NPAS3: variants seen among roughly 807,000 people sequenced by gnomAD.
NPAS3 encodes the protein neuronal PAS domain protein 3.
A neutral mutation model predicts 73.1 loss-of-function variants in NPAS3; 14 were observed. The ratio of observed to expected loss-of-function variants is 0.19; its 90% CI spans 0.13 to 0.30. The LOEUF is 0.30. Ranked by LOEUF, NPAS3 falls within the 10% of genes least tolerant of loss-of-function variation. The pLI, the probability that NPAS3 is intolerant of heterozygous loss-of-function variation, is 1.00. For missense variants in NPAS3, 1,096 were observed against 1,250.0 expected (o/e 0.88, Z 1.86); for synonymous variants, 620 against 541.5 (o/e 1.14, Z -2.01).
At chr14:33,398,046 G>A (rs1193544425) in intron 4 of NPAS3, among the ~76,000 whole-genome samples, 2 of 152,094 alleles carry the variant, frequency 1.3e-5, no homozygotes, top group Admixed American at 1.3e-4. Context: ...CAAAAATTTT[G>A]TTAGGGAAAC....
At chr14:33,376,923 G>T (rs2046338847) in intron 4 of NPAS3, among the ~76,000 whole-genome samples, 1 of 152,166 alleles carries the variant, frequency 6.6e-6, no homozygotes, top group Non-Finnish European at 1.5e-5. Context: ...ACATCTGCTA[G>T]TATTTCTGTT....
chr14:33,704,558 TG>T (rs1034397640), intron 6 of NPAS3, among the ~76,000 whole-genome samples: 7 of 152,248 alleles, frequency 4.6e-5, no homozygotes, highest in African/African-American at 1.7e-4. Flanking sequence ...TTTATCTCTT[TG>T]TTTAAAATGA....
intron 3 of NPAS3, among the ~76,000 whole-genome samples, chr14:33,239,848 A>G (rs1263436078): frequency 6.8e-6 from 1 of 146,572 alleles, no homozygotes; most frequent in East Asian, 1.9e-4. Flanking sequence ...ATTTACTTCA[A>G]CAAAATTAGA....
intron 2 of NPAS3, among the ~76,000 whole-genome samples, chr14:33,202,564 T>A (rs896057122): frequency 3.3e-5 from 5 of 152,304 alleles, no homozygotes; most frequent in African/African-American, 4.8e-5. Context: ...GCCTTTTTTT[T>A]AAATGAAGAA....
At chr14:33,320,328 G>T (rs1468826610) in intron 3 of NPAS3, among the ~76,000 whole-genome samples, 3 of 152,104 alleles carry the variant, frequency 2.0e-5, no homozygotes, top group Non-Finnish European at 2.9e-5. Context: ...GAATGTTTTT[G>T]ATTTGGGGGA....
chr14:33,738,608 A>G (rs2061581086), intron 7 of NPAS3, among the ~76,000 whole-genome samples: 1 of 152,164 alleles, frequency 6.6e-6, no homozygotes, highest in Admixed American at 6.5e-5. Context: ...TTGCTGTTGC[A>G]GTGTCTGCCA....
At chr14:33,703,724 C>T (rs1029657064) in intron 6 of NPAS3, among the ~76,000 whole-genome samples, 10 of 152,074 alleles carry the variant, frequency 6.6e-5, no homozygotes, top group African/African-American at 2.4e-4. Context: ...TTCCTATGTG[C>T]CAGGCCATAT....
chr14:32,988,697 A>G lies in NPAS3; in HGVS notation c.50+49331A>G, dbSNP rs556583671. On this transcript the variant is annotated intron_variant, in intron 1 of 11. Transcript: ENST00000356141. ...AGTGGCAACTAAGTAGACTGGACAC[A>G]TGTTCTTTTGTCCTCACAGTCATAC... Among the ~76,000 whole-genome samples the G allele has an allele frequency of 2.3e-4, 35 of 152,316 alleles. No homozygotes were observed. In the Middle Eastern group the frequency reaches 0.01, roughly 44 times the overall value.
intron 7 of NPAS3, among the ~76,000 whole-genome samples, chr14:33,749,802 C>A (rs778069153): frequency 6.6e-6 from 1 of 152,056 alleles, no homozygotes; most frequent in African/African-American, 2.4e-5. Flanking sequence ...GGAGTGAAGC[C>A]CAGAACCAAC....
chr14:33,205,506 G>A (rs1045303643), intron 2 of NPAS3, among the ~76,000 whole-genome samples: 1 of 152,038 alleles, frequency 6.6e-6, no homozygotes, highest in African/African-American at 2.4e-5. Context: ...TAGGCTCCTG[G>A]CAACCATACA....
rs574421568 is a variant in NPAS3 at position 33,622,777 on chromosome 14, G to A, written c.559-53434G>A. Among the ~76,000 whole-genome samples, 14 of 152,282 alleles carry A rather than the reference G, an allele frequency of 9.2e-5. No homozygotes were observed. The South Asian group carries it at 2.9e-3, about 32-fold the overall frequency. On this transcript the variant is annotated intron_variant, in intron 5 of 11. Transcript: ENST00000356141. Reference sequence around the variant, plus strand: ...TGTCTCAAGCTGTTCCATTTTCATAGTTGAGAGTAAAAATGAAAGAAGGGA... The same window carrying A: ...TGTCTCAAGCTGTTCCATTTTCATAATTGAGAGTAAAAATGAAAGAAGGGA...
At chr14:33,432,023 A>G (rs1241511535) in intron 4 of NPAS3, among the ~76,000 whole-genome samples, 2 of 152,196 alleles carry the variant, frequency 1.3e-5, no homozygotes, top group Non-Finnish European at 2.9e-5. Context: ...TTGAGAATAC[A>G]TAGTTATTTC....
intron 5 of NPAS3, among the ~76,000 whole-genome samples, chr14:33,579,424 T>C: frequency 6.6e-6 from 1 of 152,192 alleles, no homozygotes; most frequent in Admixed American, 6.5e-5. Flanking sequence ...ACTTGACAGA[T>C]TTCATATTTC....
upstream of NPAS3, chr14:32,934,945 G>C (rs1235528223): frequency 3.2e-6 from 4 of 1,237,050 alleles, no homozygotes; most frequent in Admixed American, 1.2e-4. The surrounding 1 kb of genome is among the most constrained non-coding windows in gnomAD (Gnocchi z 4.1). Flanking sequence ...GGGGAGGGCC[G>C]GCGCCGCGGC....
intron 2 of NPAS3, among the ~76,000 whole-genome samples, chr14:33,096,268 T>A (rs1272924540): frequency 6.6e-6 from 1 of 152,142 alleles, no homozygotes; most frequent in Non-Finnish European, 1.5e-5. Flanking sequence ...CATTGCTAAT[T>A]GAACTGTGTA....
At chr14:33,678,270 A>G (rs2059825511) in intron 6 of NPAS3, among the ~76,000 whole-genome samples, 1 of 152,190 alleles carries the variant, frequency 6.6e-6, no homozygotes. Context: ...GTAGATAGTT[A>G]TGCCTGATAT....
At chr14:33,435,461 T>C (rs1341867610) in intron 4 of NPAS3, among the ~76,000 whole-genome samples, 1 of 152,158 alleles carries the variant, frequency 6.6e-6, no homozygotes, top group East Asian at 1.9e-4. Context: ...TGAAGTCCTA[T>C]CTTTGATATT....
At chr14:33,622,959 C>G (rs775578783) in intron 5 of NPAS3, among the ~76,000 whole-genome samples, 3 of 152,172 alleles carry the variant, frequency 2.0e-5, no homozygotes, top group East Asian at 1.9e-4. Context: ...AGTAAACCTT[C>G]AGATTCTTTT....
intron 5 of NPAS3, among the ~76,000 whole-genome samples, chr14:33,672,907 T>G (rs2059652206): frequency 6.6e-6 from 1 of 152,196 alleles, no homozygotes; most frequent in Admixed American, 6.5e-5. Context: ...GCTCTAAAAT[T>G]TAAATGAAAT....
Sources: gnomAD v4.1 joint callset for allele counts (sites outside exome capture counted in the v4.1 genomes callset) on GRCh38, gnomAD v4.1.1 for gene constraint, Gnocchi (gnomAD v3.1) non-coding constraint, MANE v1.5 for transcripts, NCBI Gene and HGNC (gene_info 2026-07-23, HGNC 2026-07-21) for gene names.